The following PDE4B variants were observed in gnomAD, a reference collection of about 807,000 sequenced individuals.
PDE4B encodes 3',5'-cyclic-AMP phosphodiesterase 4B.
PDE4B carries 20 observed loss-of-function variants against 82.2 expected under a neutral mutation model. That is an observed-to-expected ratio of 0.24 (90% CI 0.17 to 0.35). PDE4B has a LOEUF of 0.35. Ranked by LOEUF, PDE4B falls within the 10% of genes least tolerant of loss-of-function variation. The pLI is 1.00. For synonymous variants in PDE4B, 320 were observed against 318.9 expected (o/e 1.00, Z -0.04); for missense variants, 655 against 907.2 (o/e 0.72, Z 3.57).
At chr1:66,321,571 G>T (rs1262621856) in intron 7 of PDE4B, among the ~76,000 whole-genome samples, 1 of 152,146 alleles carries the variant, frequency 6.6e-6, no homozygotes. Flanking sequence ...GGCAGGTTCA[G>T]TGTCTGAGGA....
chr1:65,899,206 A>G (rs1646944753), intron 1 of PDE4B, among the ~76,000 whole-genome samples: 1 of 151,972 alleles, frequency 6.6e-6, no homozygotes, highest in Admixed American at 6.6e-5. Flanking sequence ...GCCAACAAAC[A>G]TGTGAAAAAA....
chr1:66,186,334 A>G (rs952995476), intron 3 of PDE4B, among the ~76,000 whole-genome samples: 2 of 152,086 alleles, frequency 1.3e-5, no homozygotes, highest in African/African-American at 4.8e-5. Flanking sequence ...TTTTGGTTCC[A>G]TATGAACTTT....
At chr1:66,126,195 C>T (rs1329997617) in intron 3 of PDE4B, among the ~76,000 whole-genome samples, 1 of 151,896 alleles carries the variant, frequency 6.6e-6, no homozygotes, top group East Asian at 1.9e-4. Context: ...CACTAAGGGA[C>T]AATAAAAAGG....
In PDE4B at chr1:66,277,562, A is replaced by G. The variant is rs140591487; in HGVS notation, c.634+11475A>G. On this transcript the variant is annotated intron_variant, in intron 7 of 16. Coordinates refer to ENST00000341517, the MANE Select transcript of PDE4B (RefSeq NM_002600.4). ...AGGTGTGCGCCACCACGCCAGGCTA[A>G]TTTTTGTATTTTTAGTAGAGATGGG... 3.1e-3 allele frequency among the ~76,000 whole-genome samples: 477 copies of G among 151,902 alleles called. 1 individual carries two copies. Among genetic ancestry groups the G allele is most frequent in the African/African-American group, 0.011 (452 of 41,414 alleles).
intron 3 of PDE4B, among the ~76,000 whole-genome samples, chr1:66,033,391 G>A (rs1653896720): frequency 6.6e-6 from 1 of 152,156 alleles, no homozygotes; most frequent in African/African-American, 2.4e-5. Context: ...TCCCTGCCAT[G>A]TGTTGCCTGG....
intron 3 of PDE4B, among the ~76,000 whole-genome samples, chr1:65,949,091 T>A (rs926977574): frequency 1.3e-5 from 2 of 152,066 alleles, no homozygotes; most frequent in Non-Finnish European, 2.9e-5. Context: ...TGTCCACCGC[T>A]CTTCTATTGG....
intron 7 of PDE4B, among the ~76,000 whole-genome samples, chr1:66,310,429 A>T (rs1380070963): frequency 6.6e-6 from 1 of 152,154 alleles, no homozygotes; most frequent in Non-Finnish European, 1.5e-5. Context: ...TATCTGCTTT[A>T]GATTTGGGCT....
intron 1 of PDE4B, among the ~76,000 whole-genome samples, chr1:65,911,681 G>A (rs1647093412): frequency 6.6e-6 from 1 of 152,052 alleles, no homozygotes; most frequent in Non-Finnish European, 1.5e-5. Context: ...CATTAGAGGG[G>A]CATCGTAGTT....
intron 3 of PDE4B, among the ~76,000 whole-genome samples, chr1:66,163,244 A>G (rs1484374792): frequency 6.6e-6 from 1 of 152,212 alleles, no homozygotes; most frequent in South Asian, 2.1e-4. Context: ...GTAGGATTGC[A>G]CAGGGGGCAA....
At position 66,026,631 on chromosome 1, in the gene PDE4B, A is replaced by G. The variant is rs116693571; in HGVS notation, c.281+107796A>G. Among the ~76,000 whole-genome samples, 652 of 152,334 alleles carry G rather than the reference A, an allele frequency of 4.3e-3. 5 individuals carry two copies. Among genetic ancestry groups the G allele is most frequent in the African/African-American group, 0.015 (626 of 41,578 alleles). ...AAAGTTCTGAGGACTAGCACATAAT[A>G]ACTACTATGTGGTTGCTATTATTGA... On this transcript the variant is annotated intron_variant, in intron 3 of 16. Transcript: ENST00000341517.
intron 3 of PDE4B, among the ~76,000 whole-genome samples, chr1:66,241,749 A>G (rs979889487): frequency 6.6e-6 from 1 of 152,168 alleles, no homozygotes; most frequent in Non-Finnish European, 1.5e-5. Flanking sequence ...ATACAGAAAC[A>G]TACACCTTAT....
intron 3 of PDE4B, among the ~76,000 whole-genome samples, chr1:66,205,590 T>C (rs12141125): frequency 0.37 from 56,877 of 152,240 alleles, 13,482 homozygotes; most frequent in Non-Finnish European, 0.52. Context: ...TTAAGAACTT[T>C]GCATTATCTT....
intron 7 of PDE4B, among the ~76,000 whole-genome samples, chr1:66,276,867 G>A (rs1175821853): frequency 2.0e-5 from 3 of 152,114 alleles, no homozygotes; most frequent in Non-Finnish European, 4.4e-5. Context: ...TGTAAAAATG[G>A]GAATAATACT....
chr1:66,179,937 A>T (rs1434560319), intron 3 of PDE4B, among the ~76,000 whole-genome samples: 1 of 152,236 alleles, frequency 6.6e-6, no homozygotes, highest in Admixed American at 6.5e-5. Flanking sequence ...ATTGACCAAG[A>T]GTCCCCCTAA....
At chr1:65,880,810 AC>A (rs1447571002) in intron 1 of PDE4B, among the ~76,000 whole-genome samples, 1 of 151,970 alleles carries the variant, frequency 6.6e-6, no homozygotes, top group Non-Finnish European at 1.5e-5. Flanking sequence ...TGATCTTTGG[AC>A]TGCATTTGAT....
intron 3 of PDE4B, among the ~76,000 whole-genome samples, chr1:66,113,038 T>A (rs569935984): frequency 1.3e-5 from 2 of 152,326 alleles, no homozygotes; most frequent in Admixed American, 6.5e-5. Context: ...GTAGAGTTTT[T>A]GAGACACAAT....
intron 3 of PDE4B, among the ~76,000 whole-genome samples, chr1:65,934,012 G>A (rs145244940): frequency 4.5e-4 from 69 of 152,264 alleles, no homozygotes; most frequent in Non-Finnish European, 8.2e-4. Context: ...TTGAATGTAA[G>A]TTGTTATCAG....
chr1:65,830,262 A>G (rs539399159), intron 1 of PDE4B, among the ~76,000 whole-genome samples: 7 of 152,292 alleles, frequency 4.6e-5, no homozygotes, highest in South Asian at 2.1e-4. Flanking sequence ...AAATAAATAA[A>G]TTGAAGGAGA....
intron 1 of PDE4B, among the ~76,000 whole-genome samples, chr1:65,831,731 A>G (rs1646084098): frequency 1.3e-5 from 2 of 152,258 alleles, no homozygotes; most frequent in South Asian, 2.1e-4. Flanking sequence ...CTCTAGATGG[A>G]TATCTCCCAG....
Sources: allele counts gnomAD v4.1 joint callset (sites outside exome capture counted in the v4.1 genomes callset), GRCh38; gene constraint gnomAD v4.1.1; transcripts MANE v1.5; gene names NCBI Gene and HGNC (gene_info 2026-07-23, HGNC 2026-07-21).